ITPRID1: variants seen among roughly 807,000 people sequenced by gnomAD.
The protein encoded by ITPRID1 is ITPR interacting domain containing 1.
Under a neutral mutation model 95.4 loss-of-function variants are expected in ITPRID1, and 96 were observed. The ratio of observed to expected loss-of-function variants is 1.01; its 90% CI spans 0.85 to 1.19. The LOEUF (loss-of-function observed/expected upper bound fraction) is 1.19. ITPRID1 is among the 50% of genes most tolerant of loss of function. ITPRID1 has a pLI of 0.00. For synonymous variants in ITPRID1, 510 were observed against 453.6 expected (o/e 1.12, Z -1.58); for missense variants, 1,339 against 1,252.9 (o/e 1.07, Z -1.04).
intron 1 of ITPRID1, among the ~76,000 whole-genome samples, chr7:31,522,737 C>A (rs924537108): frequency 6.6e-6 from 1 of 152,154 alleles, no homozygotes; most frequent in Non-Finnish European, 1.5e-5. Context: ...CTGTGTAGAA[C>A]ACAATCTTAA....
At chr7:31,609,670 CT>C (rs1405366405) in intron 10 of ITPRID1, among the ~76,000 whole-genome samples, 1 of 151,518 alleles carries the variant, frequency 6.6e-6, no homozygotes, top group African/African-American at 2.4e-5. Context: ...TTAACTGAAT[CT>C]TCTGACTTTT....
chr7:31,520,325 T>C (rs1783200867), intron 1 of ITPRID1, among the ~76,000 whole-genome samples: 1 of 152,188 alleles, frequency 6.6e-6, no homozygotes, highest in African/African-American at 2.4e-5. Context: ...AAGTTACGCT[T>C]TTCCTCTTTC....
At chr7:31,611,034 T>G (rs2128164622) in intron 10 of ITPRID1, among the ~76,000 whole-genome samples, 1 of 151,902 alleles carries the variant, frequency 6.6e-6, no homozygotes, top group South Asian at 2.1e-4. Context: ...TTTATTCTTC[T>G]ATTCCACCAT....
intron 10 of ITPRID1, among the ~76,000 whole-genome samples, chr7:31,588,802 A>G (rs1785738661): frequency 6.6e-6 from 1 of 152,054 alleles, no homozygotes; most frequent in Non-Finnish European, 1.5e-5. Flanking sequence ...TAACTGTTGA[A>G]CCAAACACAC....
intron 10 of ITPRID1, among the ~76,000 whole-genome samples, chr7:31,638,144 C>A (rs1473155794): frequency 6.6e-6 from 1 of 152,122 alleles, no homozygotes; most frequent in African/African-American, 2.4e-5. Context: ...AAGGTTACTG[C>A]AAGAATCATC....
intron 10 of ITPRID1, among the ~76,000 whole-genome samples, chr7:31,626,048 T>G (rs1349957429): frequency 6.6e-6 from 1 of 152,204 alleles, no homozygotes; most frequent in Non-Finnish European, 1.5e-5. Context: ...TTAAAAGGAT[T>G]CCAAGTTGAT....
At chr7:31,630,936 T>A (rs527669972) in intron 10 of ITPRID1, among the ~76,000 whole-genome samples, 1 of 152,064 alleles carries the variant, frequency 6.6e-6, no homozygotes, top group South Asian at 2.1e-4. Flanking sequence ...AAAGCTAGGA[T>A]GAGAGGTAGA....
intron 1 of ITPRID1, among the ~76,000 whole-genome samples, chr7:31,539,509 A>G (rs1783863810): frequency 6.6e-6 from 1 of 152,194 alleles, no homozygotes; most frequent in Non-Finnish European, 1.5e-5. Flanking sequence ...CTCTGGGTAA[A>G]TACCAAAGAG....
At chr7:31,566,463 A>G (rs1297818095) in intron 5 of ITPRID1, among the ~76,000 whole-genome samples, 1 of 152,198 alleles carries the variant, frequency 6.6e-6, no homozygotes, top group Non-Finnish European at 1.5e-5. Context: ...GCAATGTTTT[A>G]GGTGAAAATG....
Position 31,601,181 on chromosome 7 carries a change from A to G in ITPRID1, c.1228+17990A>G, listed in dbSNP as rs377688038. Among the ~76,000 whole-genome samples the G allele has an allele frequency of 3.9e-5, 6 of 152,332 alleles. No homozygotes were observed. In the South Asian group the frequency reaches 6.2e-4, roughly 16 times the overall value. On this transcript the variant is annotated intron_variant, in intron 10 of 14. Coordinates refer to ENST00000615280, the MANE Select transcript of ITPRID1 (RefSeq NM_001257967.3). ...ATAAGTGTCAGGAAGAAATAAAACA[A>G]TAGATAAATAGAAAGCTGCTAACAT...
intron 10 of ITPRID1, among the ~76,000 whole-genome samples, chr7:31,611,095 T>C (rs533777807): frequency 5.3e-5 from 8 of 151,492 alleles, no homozygotes; most frequent in Admixed American, 3.9e-4. Flanking sequence ...ATTTAAAATA[T>C]CTTGTTATTA....
At chr7:31,556,987 C>T (rs1342868133) in intron 5 of ITPRID1, among the ~76,000 whole-genome samples, 1 of 151,926 alleles carries the variant, frequency 6.6e-6, no homozygotes, top group African/African-American at 2.4e-5. Flanking sequence ...TGGCAATCCT[C>T]AGTGTTCGTT....
intron 10 of ITPRID1, among the ~76,000 whole-genome samples, chr7:31,640,378 C>A (rs866462282): frequency 1.3e-5 from 2 of 152,182 alleles, no homozygotes; most frequent in Non-Finnish European, 2.9e-5. Flanking sequence ...TCAAGAGAGA[C>A]CCTCTAGAGT....
chr7:31,608,362 G>A (rs1471481811), intron 10 of ITPRID1, among the ~76,000 whole-genome samples: 2 of 151,806 alleles, frequency 1.3e-5, no homozygotes, highest in African/African-American at 2.4e-5. Context: ...ATTTCCATAA[G>A]AATTTTAGGG....
chr7:31,582,011 G>C (rs1033389060), intron 9 of ITPRID1, among the ~76,000 whole-genome samples: 1 of 152,204 alleles, frequency 6.6e-6, no homozygotes, highest in Non-Finnish European at 1.5e-5. Context: ...TCCTGGGTTA[G>C]AGGTCATTTT....
At chr7:31,638,881 A>G (rs927703287) in intron 10 of ITPRID1, among the ~76,000 whole-genome samples, 1 of 152,042 alleles carries the variant, frequency 6.6e-6, no homozygotes, top group Non-Finnish European at 1.5e-5. Flanking sequence ...GGTTCGAGCA[A>G]TTCTTTTGCC....
chr7:31,527,502 A>G (rs1015624207), intron 1 of ITPRID1, among the ~76,000 whole-genome samples: 2 of 152,154 alleles, frequency 1.3e-5, no homozygotes, highest in South Asian at 4.1e-4. Context: ...TGGAAAATGC[A>G]TGACATAGGT....
intron 1 of ITPRID1, among the ~76,000 whole-genome samples, chr7:31,519,578 ATCTCTCTCTCTCTCTCTC>A (rs72374972): frequency 1.8e-3 from 66 of 37,474 alleles, no homozygotes; most frequent in Admixed American, 4.3e-3. Context: ...TATTTCTGGT[ATCTCTCTCTCTCTCTCTC>A]TCTCTCTCTC....
chr7:31,572,018 C>A, intron 6 of ITPRID1, 84 bp from the exon 7 acceptor site: 2 of 847,120 alleles, frequency 2.4e-6, no homozygotes, highest in Non-Finnish European at 3.8e-6. Flanking sequence ...CAAATGTTTG[C>A]TCTGGAAGGA....
Sources: allele counts gnomAD v4.1 joint callset (sites outside exome capture counted in the v4.1 genomes callset), GRCh38; gene constraint gnomAD v4.1.1; transcripts MANE v1.5; gene names NCBI Gene and HGNC (gene_info 2026-07-23, HGNC 2026-07-21).